CRYBG1: variants seen among roughly 807,000 people sequenced by gnomAD.
CRYBG1 encodes beta/gamma crystallin domain-containing protein 1.
Under a neutral mutation model 189.2 loss-of-function variants are expected in CRYBG1, and 139 were observed. The ratio of observed to expected loss-of-function variants is 0.73; its 90% CI spans 0.64 to 0.85. The LOEUF (loss-of-function observed/expected upper bound fraction) is 0.85. CRYBG1 is among the 40% of genes least tolerant of loss of function. The pLI is 0.00. For synonymous variants in CRYBG1, 1,023 were observed against 1,017.1 expected, an observed-to-expected ratio of 1.01 and a Z score of -0.11; for missense variants, 2,611 against 2,675.8, an observed-to-expected ratio of 0.98 and a Z score of 0.53.
chr6:106,571,485 G>A lies in CRYBG1; in HGVS notation c.*2919G>A, dbSNP rs1775057262. On this transcript the variant is annotated 3_prime_UTR_variant, in exon 22 of 22. Coordinates refer to ENST00000633556, the MANE Select transcript of CRYBG1 (RefSeq NM_001371242.2). ...GAGACTGACATGGTGGATCACTTAA[G>A]CCCAGGAGTTTGAGACCAGCCTGGG... The A allele has an allele frequency of 1.3e-5, 2 of 155,040 alleles. No individual in the cohort carries two copies. The highest frequency in any genetic ancestry group is 4.0e-4 in the South Asian group (2 of 5,006). 9.6% of individuals were successfully genotyped at this position (155,040 alleles called of 1,614,324 possible).
At chr6:106,454,090 G>T (rs1771837674) in intron 2 of CRYBG1, among the ~76,000 whole-genome samples, 1 of 152,102 alleles carries the variant, frequency 6.6e-6, no homozygotes, top group Non-Finnish European at 1.5e-5. Context: ...AGAAGAACTG[G>T]CTCTGGGAGC....
chr6:106,393,305 G>A (rs138518231), intron 1 of CRYBG1, among the ~76,000 whole-genome samples: 630 of 152,230 alleles, frequency 4.1e-3, no homozygotes, highest in Non-Finnish European at 7.5e-3. Context: ...TATGGCTGTC[G>A]TGCTCTCTAT....
At chr6:106,528,881 T>G (rs569039968) in intron 7 of CRYBG1, among the ~76,000 whole-genome samples, 2 of 152,300 alleles carry the variant, frequency 1.3e-5, no homozygotes, top group South Asian at 4.1e-4. Flanking sequence ...TTAAGGTTGT[T>G]TCTAGTTTTT....
chr6:106,543,635 TC>T (rs1562112532), intron 11 of CRYBG1, 38 bp downstream of exon 11: 1 of 1,588,584 alleles, frequency 6.3e-7, no homozygotes, highest in African/African-American at 1.4e-5. Context: ...TTCTTTTTTT[TC>T]CGAAATATTA....
At chr6:106,453,670 A>G (rs778661039) in intron 2 of CRYBG1, among the ~76,000 whole-genome samples, 6 of 152,252 alleles carry the variant, frequency 3.9e-5, no homozygotes, top group Non-Finnish European at 7.3e-5. Flanking sequence ...GCTGAAGTCC[A>G]GGAAAAAATT....
intron 4 of CRYBG1, 116 bp downstream of exon 4, chr6:106,521,569 T>C (rs767915723): frequency 7.5e-6 from 9 of 1,195,446 alleles, no homozygotes; most frequent in Non-Finnish European, 1.0e-5. Context: ...GCTATAGTTT[T>C]TATTCATTCA....
intron 1 of CRYBG1, among the ~76,000 whole-genome samples, chr6:106,367,152 AC>A (rs1772016047): frequency 1.3e-5 from 2 of 152,184 alleles, no homozygotes; most frequent in South Asian, 4.1e-4. Flanking sequence ...TCATTGAATT[AC>A]TTTATCCCCC....
At chr6:106,539,366 T>A (rs748762900) in intron 8 of CRYBG1, 37 bp from the exon 9 acceptor site, 1 of 1,609,390 alleles carries the variant, frequency 6.2e-7, no homozygotes, top group South Asian at 1.1e-5. Flanking sequence ...AAATGATGAG[T>A]CGGCTCCCTT....
chr6:106,445,185 C>T (rs1397330678), intron 1 of CRYBG1, among the ~76,000 whole-genome samples: 4 of 152,174 alleles, frequency 2.6e-5, no homozygotes, highest in African/African-American at 7.2e-5. Context: ...CTTTACATAC[C>T]TGTAACTTTG....
Position 106,495,613 on chromosome 6 carries a change from C to A in CRYBG1, c.313-15817C>A, listed in dbSNP as rs150892926. On this transcript the variant is annotated intron_variant, in intron 2 of 21. Coordinates refer to ENST00000633556, the MANE Select transcript of CRYBG1 (RefSeq NM_001371242.2). ...CTGAGTACCCTTGGATACTTTGGCT[C>A]GAAGCAGAAATAAAAATGTCCAGTA... 1.4e-4 allele frequency among the ~76,000 whole-genome samples: 21 copies of A among 151,748 alleles called. No homozygotes were observed. The East Asian group carries it at 3.3e-3, about 24-fold the overall frequency.
intron 2 of CRYBG1, among the ~76,000 whole-genome samples, chr6:106,495,122 T>C (rs1318007853): frequency 2.0e-5 from 3 of 152,210 alleles, no homozygotes; most frequent in Non-Finnish European, 4.4e-5. Flanking sequence ...GCACACCTCT[T>C]TAACACTTTC....
At chr6:106,564,549 G>A (rs1159414398) in intron 21 of CRYBG1, among the ~76,000 whole-genome samples, 2 of 152,186 alleles carry the variant, frequency 1.3e-5, no homozygotes, top group African/African-American at 4.8e-5. Flanking sequence ...ATCACCTGGA[G>A]GGCGGGTTAA....
intron 7 of CRYBG1, among the ~76,000 whole-genome samples, chr6:106,528,471 C>T (rs1773804287): frequency 6.6e-6 from 1 of 152,132 alleles, no homozygotes; most frequent in Non-Finnish European, 1.5e-5. Flanking sequence ...CTTTGTTGGC[C>T]ATATTCTAGT....
chr6:106,394,220 G>A lies in CRYBG1; in HGVS notation c.173+33139G>A, dbSNP rs192271980. Among the ~76,000 whole-genome samples the A allele has an allele frequency of 1.1e-3, 171 of 152,144 alleles. 1 individual carries two copies. Among genetic ancestry groups the A allele is most frequent in the African/African-American group, 1.9e-3 (77 of 41,500 alleles). On this transcript the variant is annotated intron_variant, in intron 1 of 21. Coordinates refer to ENST00000633556, the MANE Select transcript of CRYBG1 (RefSeq NM_001371242.2). ...GCTTATTAATAAATGTCTCTACATC[G>A]TTTATCCTTGTCCTCTTTACCCTTA...
At position 106,561,425 on chromosome 6, in the gene CRYBG1, G is replaced by A. The variant is rs1201743704; in HGVS notation, c.6063G>A (p.Leu2021=). ...TNGNLEDLKL[L]RIQVMEDVGA... is the part of the protein sequence containing the mutation. ...GAAACTTAGAGGATCTGAAGCTTCTGAGGATACAGGTCATGGAGGATGTCG... is the reference window on the plus strand; with the variant it reads ...GAAACTTAGAGGATCTGAAGCTTCTAAGGATACAGGTCATGGAGGATGTCG... Residue 2021 remains leucine (L), a synonymous_variant, in exon 20 of 22, where the codon CTG becomes CTA. Coordinates refer to ENST00000633556, the MANE Select transcript of CRYBG1 (RefSeq NM_001371242.2). The A allele has an allele frequency of 1.2e-6, 2 of 1,614,074 alleles. No individual in the cohort carries two copies. Among genetic ancestry groups the A allele is most frequent in the African/African-American group, 2.7e-5 (2 of 74,934 alleles).
rs563955866 is a variant in CRYBG1, at chr6:106,478,166, C to T, written c.312+26334C>T. Among the ~76,000 whole-genome samples, 42 of 152,328 alleles carry T rather than the reference C, an allele frequency of 2.8e-4. No individual in the cohort carries two copies. In the South Asian group the frequency reaches 8.7e-3, roughly 32 times the overall value. On this transcript the variant is annotated intron_variant, in intron 2 of 21. Coordinates refer to ENST00000633556, the MANE Select transcript of CRYBG1 (RefSeq NM_001371242.2). The stretch of plus-strand genomic sequence containing the variant: ...CAGGATAATCCCTCGTATCCTTCAA[C>T]CCTGTTGGGTTATATCCGCGCACCA...
rs371163103 is a variant in CRYBG1 at position 106,520,217 on chromosome 6, TC to T, written c.3014del (p.Pro1005HisfsTer47). 291 of 1,614,080 alleles carry T rather than the reference TC, an allele frequency of 1.8e-4. 2 individuals carry two copies. In the East Asian group the frequency reaches 6.3e-3, roughly 35 times the overall value. On this transcript the variant is annotated frameshift_variant, in exon 4 of 22. Coordinates refer to ENST00000633556, the MANE Select transcript of CRYBG1 (RefSeq NM_001371242.2). LOFTEE classifies it high-confidence loss of function. ...AAGTGGTTTCCGTTGCAAGTTGTGC[TC>T]CCCCACAAGAGGAAGTACTGGGCAA... Reference protein sequence around the residue: ...PEVVSVASCAPPQEEVLGNEH... With the variant: ...PEVVSVASCAXPQEEVLGNEH...
intron 18 of CRYBG1, 46 bp from the exon 19 acceptor site, chr6:106,560,757 C>T: frequency 6.3e-7 from 1 of 1,580,086 alleles, no homozygotes; most frequent in African/African-American, 1.4e-5. Flanking sequence ...TTGGGGTCCA[C>T]TGTCAAATGA....
chr6:106,464,359 G>T (rs1772070873), intron 2 of CRYBG1, among the ~76,000 whole-genome samples: 1 of 152,054 alleles, frequency 6.6e-6, no homozygotes, highest in Non-Finnish European at 1.5e-5. Context: ...CGGGCATGTT[G>T]GTGCGCGCCT....
Sources: gnomAD v4.1 joint callset for allele counts (sites outside exome capture counted in the v4.1 genomes callset) on GRCh38, gnomAD v4.1.1 for gene constraint, MANE v1.5 for transcripts, NCBI Gene and HGNC (gene_info 2026-07-23, HGNC 2026-07-21) for gene names.